DCDC1: variants seen among roughly 807,000 people sequenced by gnomAD.
DCDC1 encodes the protein doublecortin domain-containing protein 1.
DCDC1 carries 200 observed loss-of-function variants against 178.3 expected under a neutral mutation model. The observed-to-expected ratio is 1.12, with a 90% confidence interval of 1.00 to 1.26. The LOEUF is 1.26. Ranked by LOEUF, DCDC1 falls within the 50% of genes most tolerant of loss-of-function variation. The pLI is 0.00. For missense variants in DCDC1, 1,983 were observed against 1,749.2 expected (o/e 1.13, Z -2.38); for synonymous variants, 690 against 604.8 (o/e 1.14, Z -2.07).
chr11:31,077,419 C>T (rs926027435), intron 18 of DCDC1, among the ~76,000 whole-genome samples: 1 of 152,148 alleles, frequency 6.6e-6, no homozygotes, highest in African/African-American at 2.4e-5. Context: ...AACTCTGAAG[C>T]TACTAGAATT....
intron 20 of DCDC1, among the ~76,000 whole-genome samples, chr11:30,983,522 G>A (rs374756630): frequency 1.3e-5 from 2 of 151,996 alleles, no homozygotes; most frequent in Non-Finnish European, 2.9e-5. Context: ...TCACATTTGC[G>A]ATCCATTAAA....
chr11:31,103,940 T>C (rs1427432949), intron 13 of DCDC1, among the ~76,000 whole-genome samples, 171 bp from the exon 14 acceptor site: 2 of 152,220 alleles, frequency 1.3e-5, no homozygotes, highest in Non-Finnish European at 1.5e-5. Flanking sequence ...ACCTGAAATA[T>C]ATACTTCAGT....
At chr11:30,965,535 CT>C (rs34013491) in intron 20 of DCDC1, among the ~76,000 whole-genome samples, 3,655 of 138,858 alleles carry the variant, frequency 0.026, 148 homozygotes, top group African/African-American at 0.09. Context: ...TAGAAAATTT[CT>C]TTTTTTTTTT....
intron 22 of DCDC1, among the ~76,000 whole-genome samples, chr11:30,930,968 G>A (rs2134311687): frequency 6.6e-6 from 1 of 152,158 alleles, no homozygotes; most frequent in East Asian, 1.9e-4. Context: ...GTTACTCATT[G>A]TTCAGCGATG....
intron 1 of DCDC1, among the ~76,000 whole-genome samples, chr11:31,364,477 T>C (rs773627547): frequency 6.6e-6 from 1 of 152,142 alleles, no homozygotes; most frequent in Non-Finnish European, 1.5e-5. Context: ...ATTAAAACAT[T>C]AGATGTGAAG....
chr11:31,063,704 C>T (rs1167296992), intron 20 of DCDC1, among the ~76,000 whole-genome samples: 1 of 151,828 alleles, frequency 6.6e-6, no homozygotes, highest in African/African-American at 2.4e-5. Flanking sequence ...TATAGCTAGA[C>T]CCCATTTTTA....
intron 20 of DCDC1, among the ~76,000 whole-genome samples, chr11:30,979,184 G>A (rs144006710): frequency 2.0e-4 from 31 of 152,052 alleles, no homozygotes; most frequent in African/African-American, 7.5e-4. Flanking sequence ...AACTAAAATA[G>A]CAAGTACATC....
chr11:30,960,814 C>T (rs1019735597), intron 20 of DCDC1, among the ~76,000 whole-genome samples: 1 of 152,128 alleles, frequency 6.6e-6, no homozygotes, highest in African/African-American at 2.4e-5. Context: ...GCCAAATAAG[C>T]TTCAAAGGCA....
chr11:30,992,098 A>C (rs945345154), intron 20 of DCDC1, among the ~76,000 whole-genome samples: 2 of 152,216 alleles, frequency 1.3e-5, no homozygotes, highest in Admixed American at 1.3e-4. Context: ...GCACTGTCTT[A>C]AGGTACCTTA....
At chr11:30,985,702 A>C (rs963597849) in intron 20 of DCDC1, among the ~76,000 whole-genome samples, 7 of 152,156 alleles carry the variant, frequency 4.6e-5, no homozygotes, top group Non-Finnish European at 8.8e-5. Context: ...ATAATCAAGG[A>C]ATTTGCCACA....
At chr11:30,941,576 A>C (rs1260030541) in intron 21 of DCDC1, among the ~76,000 whole-genome samples, 2 of 152,152 alleles carry the variant, frequency 1.3e-5, no homozygotes, top group Non-Finnish European at 2.9e-5. Context: ...TACCTAGTCA[A>C]TCTAAAATTT....
At chr11:31,328,566 A>G (rs1048751295) in intron 2 of DCDC1, among the ~76,000 whole-genome samples, 5 of 152,158 alleles carry the variant, frequency 3.3e-5, no homozygotes, top group South Asian at 4.1e-4. Context: ...TGGGAGGCCA[A>G]GGCGGGCGGA....
At chr11:31,303,678 A>G (rs1438515276) in intron 6 of DCDC1, among the ~76,000 whole-genome samples, 2 of 152,136 alleles carry the variant, frequency 1.3e-5, no homozygotes, top group African/African-American at 4.8e-5. Flanking sequence ...AAGAAACCAA[A>G]TATCATTGTT....
intron 15 of DCDC1, among the ~76,000 whole-genome samples, chr11:31,098,583 A>G (rs1213454397): frequency 6.6e-6 from 1 of 152,218 alleles, no homozygotes; most frequent in Non-Finnish European, 1.5e-5. Flanking sequence ...TGCATCAAGA[A>G]TATCGGCTTT....
At chr11:31,272,759 CA>C (rs1264860210) in intron 7 of DCDC1, among the ~76,000 whole-genome samples, 1 of 152,234 alleles carries the variant, frequency 6.6e-6, no homozygotes, top group African/African-American at 2.4e-5. Context: ...TGCGGCTTTG[CA>C]GGGCACAGCC....
intron 6 of DCDC1, among the ~76,000 whole-genome samples, chr11:31,301,482 TGG>T: frequency 6.6e-6 from 1 of 152,312 alleles, no homozygotes; most frequent in East Asian, 1.9e-4. Context: ...ATGTGAGTAG[TGG>T]GTCACCTATT....
intron 26 of DCDC1, 110 bp downstream of exon 26, chr11:30,916,760 T>C (rs1945867328): frequency 1.6e-6 from 2 of 1,226,436 alleles, no homozygotes; most frequent in Non-Finnish European, 2.1e-6. Flanking sequence ...TGCATGTTGA[T>C]AGAAACAGCA....
intron 1 of DCDC1, among the ~76,000 whole-genome samples, chr11:31,365,613 T>C (rs1016662684): frequency 3.9e-5 from 6 of 152,154 alleles, no homozygotes; most frequent in Non-Finnish European, 8.8e-5. Flanking sequence ...TGTGAATGTC[T>C]GGTAGACGTT....
At chr11:30,898,776 T>A (rs1944431368) in intron 34 of DCDC1, among the ~76,000 whole-genome samples, 1 of 152,194 alleles carries the variant, frequency 6.6e-6, no homozygotes, top group Non-Finnish European at 1.5e-5. Context: ...TTAGGACTAG[T>A]TCTGCTATTT....
Sources: gnomAD v4.1 joint callset for allele counts (sites outside exome capture counted in the v4.1 genomes callset) on GRCh38, gnomAD v4.1.1 for gene constraint, MANE v1.5 for transcripts, NCBI Gene and HGNC (gene_info 2026-07-23, HGNC 2026-07-21) for gene names.